FHIP1A: variants seen among roughly 807,000 people sequenced by gnomAD.
FHIP1A encodes the protein FHF complex subunit HOOK-interacting protein 1A.
In FHIP1A, 61 loss-of-function variants were observed where a neutral mutation model predicts 88.6. The observed-to-expected ratio is 0.69, with a 90% CI of 0.56 to 0.85. The LOEUF (loss-of-function observed/expected upper bound fraction) is 0.85, where lower values mean the gene tolerates loss of function less well. Ranked by LOEUF, FHIP1A falls within the 40% of genes least tolerant of loss-of-function variation. FHIP1A has a pLI of 0.00. For missense variants in FHIP1A, 1,154 were observed against 1,273.5 expected, an observed-to-expected ratio of 0.91 and a Z score of 1.43; for synonymous variants, 478 against 496.0, an observed-to-expected ratio of 0.96 and a Z score of 0.48.
intron 9 of FHIP1A, among the ~76,000 whole-genome samples, chr4:151,643,355 T>G (rs1300969307): frequency 1.3e-5 from 2 of 152,218 alleles, no homozygotes; most frequent in Admixed American, 6.5e-5. Flanking sequence ...CACATATTTT[T>G]GGGGTACACA....
intron 3 of FHIP1A, among the ~76,000 whole-genome samples, chr4:151,514,366 T>G (rs1731149366): frequency 6.6e-6 from 1 of 151,308 alleles, no homozygotes; most frequent in South Asian, 2.1e-4. Flanking sequence ...GATCCAAAAT[T>G]GACACCCTAA....
chr4:151,638,744 A>G lies in FHIP1A; in HGVS notation c.1214A>G (p.Gln405Arg). 1 of 1,547,200 alleles carries G rather than the reference A, an allele frequency of 6.5e-7. No individual in the cohort carries two copies. The highest frequency in any genetic ancestry group is 8.7e-7 in the Non-Finnish European group (1 of 1,143,610). ...TTACATTGTGAAGATGTGATGTTACAGCTAGTTCTAAGGTGAGTTGCCTTT... is the reference window on the plus strand; with the variant it reads ...TTACATTGTGAAGATGTGATGTTACGGCTAGTTCTAAGGTGAGTTGCCTTT... ...IGLHCEDVML[Q>R]LVLRYLIPCN... Residue 405 changes from glutamine (Q) to arginine (R), a missense_variant, in exon 9 of 14, where the codon CAG becomes CGG. Coordinates refer to ENST00000435205, the MANE Select transcript of FHIP1A (RefSeq NM_001109977.3).
At position 151,661,088 on chromosome 4, in the gene FHIP1A, T is replaced by G. The variant is rs1737438254; in HGVS notation, c.2870-1413T>G. Among the ~76,000 whole-genome samples, 3 of 152,094 alleles carry G rather than the reference T, an allele frequency of 2.0e-5. No individual in the cohort carries two copies. The South Asian group carries it at 6.2e-4, about 32-fold the overall frequency. On this transcript the variant is annotated intron_variant, in intron 13 of 13. Coordinates refer to ENST00000435205, the MANE Select transcript of FHIP1A (RefSeq NM_001109977.3). ...CAGGTGGAGGAACAAGCATGAACAG[T>G]GCAGGTCTCGGTCTGGGAGTAGGTC... is the stretch of plus-strand genomic sequence containing the variant.
chr4:151,658,980 G>A (rs1454142541), intron 13 of FHIP1A, among the ~76,000 whole-genome samples: 1 of 152,108 alleles, frequency 6.6e-6, no homozygotes, highest in Non-Finnish European at 1.5e-5. Flanking sequence ...GATACTCAGG[G>A]TACACTGAGC....
At chr4:151,627,118 G>T (rs1735985851) in intron 7 of FHIP1A, among the ~76,000 whole-genome samples, 1 of 152,158 alleles carries the variant, frequency 6.6e-6, no homozygotes, top group African/African-American at 2.4e-5. Flanking sequence ...ATTCGTTTAA[G>T]GTGAGTATGA....
At position 151,586,694 on chromosome 4, in the gene FHIP1A, A is replaced by C; in HGVS notation, c.786A>C (p.Glu262Asp). ...ACTCTTCCCTGCCTACAAAGCTAGA[A>C]GAGAAAGGCGAGGAATGGCACTGCC... is the stretch of plus-strand genomic sequence containing the variant. ...GLYSSLPTKL[E>D]EKGEEWHCLL... is the part of the protein sequence containing the mutation. The change falls in exon 6 of 14, where the codon GAA (glutamate) becomes GAC (aspartate). Residue 262 changes from glutamate (E) to aspartate (D), a missense_variant. Glu to Asp is a conservative substitution (Grantham distance 45). Transcript: ENST00000435205. The C allele has an allele frequency of 1.3e-6, 2 of 1,551,414 alleles. No homozygotes were observed.
intron 3 of FHIP1A, among the ~76,000 whole-genome samples, chr4:151,544,623 T>C (rs1243804290): frequency 3.9e-5 from 6 of 152,120 alleles, no homozygotes; most frequent in African/African-American, 1.4e-4. Flanking sequence ...TGTTTAGTGC[T>C]TTGTGCTTGG....
chr4:151,430,930 G>C (rs897161494), intron 1 of FHIP1A, among the ~76,000 whole-genome samples: 1 of 152,148 alleles, frequency 6.6e-6, no homozygotes, highest in Admixed American at 6.5e-5. Flanking sequence ...GAGCAACAGA[G>C]GTTTAGCTTT....
Position 151,588,897 on chromosome 4 carries a change from G to A in FHIP1A, c.949G>A (p.Val317Ile), listed in dbSNP as rs902747344. ...LVNYIYNGFL[V>I]PVLAPALHKV... ...CAATTACATTTACAATGGATTTTTGGTACCAGTCTTGGCTCCTGCTCTCCA... is the reference window on the plus strand; with the variant it reads ...CAATTACATTTACAATGGATTTTTGATACCAGTCTTGGCTCCTGCTCTCCA... Residue 317 changes from valine (V) to isoleucine (I), a missense_variant, in exon 7 of 14, where the codon GTA becomes ATA. By Grantham distance (29) the Val-to-Ile change is conservative. Coordinates refer to ENST00000435205, the MANE Select transcript of FHIP1A (RefSeq NM_001109977.3). The A allele has an allele frequency of 9.7e-6, 15 of 1,551,188 alleles. No individual in the cohort carries two copies. In the Admixed American group the frequency reaches 2.9e-4, roughly 30 times the overall value.
chr4:151,654,902 A>C (rs1250040201), intron 11 of FHIP1A, among the ~76,000 whole-genome samples: 1 of 152,156 alleles, frequency 6.6e-6, no homozygotes, highest in Non-Finnish European at 1.5e-5. Flanking sequence ...ACATGAGGGG[A>C]TGGTGCCTCA....
chr4:151,413,342 G>A (rs896038252), intron 1 of FHIP1A, among the ~76,000 whole-genome samples: 1 of 152,108 alleles, frequency 6.6e-6, no homozygotes, highest in Admixed American at 6.5e-5. Context: ...ACCTTCTTTC[G>A]GAGAATGAAA....
intron 7 of FHIP1A, among the ~76,000 whole-genome samples, chr4:151,629,376 T>C (rs1181178604): frequency 1.3e-5 from 2 of 152,236 alleles, no homozygotes; most frequent in African/African-American, 4.8e-5. Context: ...GTAAATACTT[T>C]CCATTATCTT....
At chr4:151,474,378 A>T (rs975560617) in intron 2 of FHIP1A, among the ~76,000 whole-genome samples, 1 of 152,220 alleles carries the variant, frequency 6.6e-6, no homozygotes, top group African/African-American at 2.4e-5. Flanking sequence ...GATCAGCCCC[A>T]CAGTTCTAAA....
chr4:151,629,609 A>G (rs1319757591), intron 7 of FHIP1A, 93 bp from the exon 8 acceptor site: 9 of 1,102,572 alleles, frequency 8.2e-6, no homozygotes, highest in Non-Finnish European at 1.2e-5. Flanking sequence ...TGCCTTGATG[A>G]TGTCACTGTG....
chr4:151,598,583 A>G (rs910897197), intron 7 of FHIP1A, among the ~76,000 whole-genome samples: 5 of 152,234 alleles, frequency 3.3e-5, no homozygotes, highest in Non-Finnish European at 5.9e-5. Context: ...CAACTTATGC[A>G]TAACATTTTA....
chr4:151,442,616 A>G (rs145181994), intron 1 of FHIP1A, among the ~76,000 whole-genome samples: 131 of 152,240 alleles, frequency 8.6e-4, no homozygotes, highest in Non-Finnish European at 1.5e-3. Flanking sequence ...TTCCCAAAAG[A>G]GGCTATTTGA....
intron 4 of FHIP1A, among the ~76,000 whole-genome samples, chr4:151,576,161 C>T (rs1368791523): frequency 2.0e-5 from 3 of 152,210 alleles, no homozygotes; most frequent in Non-Finnish European, 2.9e-5. Flanking sequence ...TATCTGTTGG[C>T]AGAGAAAGGT....
At chr4:151,551,396 A>G (rs1052833366) in intron 3 of FHIP1A, among the ~76,000 whole-genome samples, 2 of 152,338 alleles carry the variant, frequency 1.3e-5, no homozygotes, top group Non-Finnish European at 2.9e-5. Context: ...AGCCAAAAGA[A>G]CAAAGCTGGA....
At chr4:151,530,027 C>T (rs1269632424) in intron 3 of FHIP1A, among the ~76,000 whole-genome samples, 1 of 152,104 alleles carries the variant, frequency 6.6e-6, no homozygotes. Flanking sequence ...CCTATGTTTT[C>T]ATCTTTAGGA....
Sources: gnomAD v4.1 joint callset for allele counts (sites outside exome capture counted in the v4.1 genomes callset) on GRCh38, gnomAD v4.1.1 for gene constraint, MANE v1.5 for transcripts, NCBI Gene and HGNC (gene_info 2026-07-23, HGNC 2026-07-21) for gene names.